The following NAV3 variants were observed in gnomAD, a reference collection of about 807,000 sequenced individuals.
The protein encoded by NAV3 is neuron navigator 3.
In NAV3, 87 loss-of-function variants were observed where a neutral mutation model predicts 244.7. That is an observed-to-expected ratio of 0.36 (90% CI 0.30 to 0.42). The LOEUF (loss-of-function observed/expected upper bound fraction) is 0.42, where lower values mean the gene tolerates loss of function less well. NAV3 is among the 20% of genes least tolerant of loss of function. The probability of loss-of-function intolerance (pLI) is 1.00; values close to 1 mark genes in which losing one functional copy is unlikely to be tolerated. For synonymous variants in NAV3, 1,126 were observed against 1,042.2 expected (o/e 1.08, Z -1.55); for missense variants, 2,663 against 2,893.3 (o/e 0.92, Z 1.83).
intron 9 of NAV3, chr12:78,036,654 G>GT (rs892251694): frequency 8.7e-6 from 4 of 457,342 alleles, no homozygotes; most frequent in African/African-American, 3.8e-5. Flanking sequence ...CAAAATATTT[G>GT]TAAGTACTGC....
intron 2 of NAV3, among the ~76,000 whole-genome samples, chr12:77,589,516 C>A (rs11105811): frequency 6.6e-6 from 1 of 152,094 alleles, no homozygotes; most frequent in African/African-American, 2.4e-5. Context: ...AACTTATGAT[C>A]GTGGCAGAAG....
rs1337717265 is a variant in NAV3, at chr12:78,137,310, G to T, written c.4575G>T (p.Glu1525Asp). 1 of 1,613,348 alleles carries T rather than the reference G, an allele frequency of 6.2e-7. No homozygotes were observed. Among genetic ancestry groups the T allele is most frequent in the Admixed American group, 1.7e-5 (1 of 59,932 alleles). ...SQLCGSATSL[E>D]ERPRAISHSG... ...TTTGTGGGAGTGCCACTTCTCTGGA[G>T]GAAAGACCTCGTGCCATCAGTCATT... Residue 1525 changes from glutamate to aspartate, a missense_variant, in exon 19 of 40, where the codon GAG becomes GAT. Physicochemically the swap from Glu to Asp is conservative, Grantham distance 45. This residue lies in a region of NAV3 where 354 missense variants were observed against 413.0 expected (regional missense o/e 0.86). Transcript: ENST00000397909.
At chr12:78,168,520 A>G (rs1352972705) in intron 23 of NAV3, among the ~76,000 whole-genome samples, 2 of 151,798 alleles carry the variant, frequency 1.3e-5, no homozygotes. Flanking sequence ...AAGACTATTC[A>G]TATCTCTTTT....
At chr12:78,155,155 C>A (rs1277580487) in intron 22 of NAV3, among the ~76,000 whole-genome samples, 1 of 151,950 alleles carries the variant, frequency 6.6e-6, no homozygotes, top group Non-Finnish European at 1.5e-5. Flanking sequence ...ATTAGCTATT[C>A]TTCCTGATTC....
intron 1 of NAV3, among the ~76,000 whole-genome samples, chr12:77,859,637 GAA>G (rs35019138): frequency 1.2e-4 from 16 of 136,682 alleles, no homozygotes; most frequent in South Asian, 9.1e-4. Flanking sequence ...AAATCAAAGT[GAA>G]AAAAAAAAAA....
intron 22 of NAV3, among the ~76,000 whole-genome samples, chr12:78,157,197 A>C (rs1957338675): frequency 6.6e-6 from 1 of 152,058 alleles, no homozygotes; most frequent in South Asian, 2.1e-4. Context: ...GTGATAAGTC[A>C]GGGGGCTGTT....
At chr12:77,768,765 A>G (rs1158597626) in intron 2 of NAV3, among the ~76,000 whole-genome samples, 1 of 152,232 alleles carries the variant, frequency 6.6e-6, no homozygotes, top group Admixed American at 6.5e-5. Flanking sequence ...CTGCAATCTC[A>G]GAATGAGGTA....
chr12:77,800,839 T>C (rs1871668311), intron 2 of NAV3, among the ~76,000 whole-genome samples: 1 of 152,128 alleles, frequency 6.6e-6, no homozygotes. Flanking sequence ...TTTTGAAAGA[T>C]AAATGCTAGC....
rs76150942 is a variant in NAV3, at chr12:77,843,901, T to C, written c.243+12197T>C. On this transcript the variant is annotated intron_variant, in intron 1 of 39. Transcript: ENST00000397909. ...TATAAAATTTCAAAACATATGCAAA[T>C]AAAATGGGATTATATGAAGAAAAGA... 4.5e-4 allele frequency among the ~76,000 whole-genome samples: 68 copies of C among 150,900 alleles called. 1 individual carries two copies. In the East Asian group the frequency reaches 0.011, roughly 26 times the overall value.
chr12:77,770,566 C>T (rs1056293182), intron 2 of NAV3, among the ~76,000 whole-genome samples: 2 of 152,096 alleles, frequency 1.3e-5, no homozygotes, highest in African/African-American at 4.8e-5. Flanking sequence ...CAGTGGTTGC[C>T]AAGAAAATCA....
At chr12:78,063,614 G>T (rs575240279) in intron 12 of NAV3, among the ~76,000 whole-genome samples, 7 of 152,214 alleles carry the variant, frequency 4.6e-5, no homozygotes, top group African/African-American at 1.7e-4. Flanking sequence ...GTAAACAAAG[G>T]CCCCTCTTAA....
intron 2 of NAV3, among the ~76,000 whole-genome samples, chr12:77,751,818 GT>G (rs140862168): frequency 9.2e-5 from 14 of 152,088 alleles, no homozygotes; most frequent in Admixed American, 7.9e-4. Context: ...TTCAATTGAA[GT>G]TTTTTTCTTT....
chr12:78,131,740 A>C (rs1956175232), intron 18 of NAV3, among the ~76,000 whole-genome samples: 1 of 152,162 alleles, frequency 6.6e-6, no homozygotes, highest in Non-Finnish European at 1.5e-5. Flanking sequence ...TTATCTCTTG[A>C]ATGGATACAT....
At chr12:77,869,009 T>C (rs947268061) in intron 1 of NAV3, among the ~76,000 whole-genome samples, 1 of 151,434 alleles carries the variant, frequency 6.6e-6, no homozygotes, top group Non-Finnish European at 1.5e-5. Context: ...GAGGTGGAGG[T>C]TGCAGTGAAC....
intron 39 of NAV3, among the ~76,000 whole-genome samples, chr12:78,209,149 C>T (rs1960636044): frequency 6.6e-6 from 1 of 152,088 alleles, no homozygotes; most frequent in Non-Finnish European, 1.5e-5. Flanking sequence ...TTTCCTGAGA[C>T]TATTAAAATG....
At chr12:77,811,400 G>C (rs1565823085) in intron 2 of NAV3, among the ~76,000 whole-genome samples, 1 of 152,012 alleles carries the variant, frequency 6.6e-6, no homozygotes, top group Non-Finnish European at 1.5e-5. Flanking sequence ...ATGTATTAAG[G>C]GAAGCCTTTC....
At chr12:77,828,419 A>G (rs898236441), upstream of NAV3, among the ~76,000 whole-genome samples, 16 of 152,202 alleles carry the variant, frequency 1.1e-4, no homozygotes, top group African/African-American at 3.9e-4. Flanking sequence ...ATGGACTAAC[A>G]CAGTGGGTTC....
At chr12:77,973,577 C>T (rs532019892) in intron 5 of NAV3, among the ~76,000 whole-genome samples, 26 of 152,066 alleles carry the variant, frequency 1.7e-4, no homozygotes, top group Non-Finnish European at 2.1e-4. Flanking sequence ...TCCAAGGTTC[C>T]CGTGACCCCT....
intron 12 of NAV3, among the ~76,000 whole-genome samples, chr12:78,061,639 G>A (rs1294807291): frequency 1.3e-5 from 2 of 152,052 alleles, no homozygotes; most frequent in African/African-American, 2.4e-5. Context: ...GACTCGGGAT[G>A]TATATCATTT....
Sources: gnomAD v4.1 joint callset for allele counts (sites outside exome capture counted in the v4.1 genomes callset) on GRCh38, gnomAD v4.1.1 for gene constraint, gnomAD v4.1.1 regional missense constraint, MANE v1.5 for transcripts, NCBI Gene and HGNC (gene_info 2026-07-23, HGNC 2026-07-21) for gene names.